DPYSL2: variants seen among roughly 807,000 people sequenced by gnomAD.
The protein encoded by DPYSL2 is dihydropyrimidinase-related protein 2.
DPYSL2 carries 13 observed loss-of-function variants against 69.9 expected under a neutral mutation model. The observed-to-expected ratio is 0.19, with a 90% CI of 0.12 to 0.30. The LOEUF is 0.30. Among genes scored for constraint, DPYSL2 ranks in the 10% least tolerant of loss-of-function variants. The probability of loss-of-function intolerance (pLI) is 1.00; values close to 1 mark genes in which losing one functional copy is unlikely to be tolerated. For missense variants in DPYSL2, 587 were observed against 918.9 expected, an observed-to-expected ratio of 0.64 and a Z score of 4.67; for synonymous variants, 326 against 359.1, an observed-to-expected ratio of 0.91 and a Z score of 1.04.
rs1239378878 is a variant in DPYSL2 at position 26,523,165 on chromosome 8, A to AT, written c.354+8487dup. Among the ~76,000 whole-genome samples the AT allele has an allele frequency of 1.1e-3, 170 of 150,756 alleles. 2 individuals are homozygous for AT. The highest frequency in any genetic ancestry group is 2.0e-3 in the Non-Finnish European group (135 of 67,696). On this transcript the variant is annotated intron_variant, in intron 1 of 13. Coordinates refer to ENST00000521913, the MANE Select transcript of DPYSL2 (RefSeq NM_001197293.3). ...TACAGACATACATGTATATATATAT[A>AT]TATATTTTTAAATAATATTTAAAAT...
intron 1 of DPYSL2, among the ~76,000 whole-genome samples, chr8:26,526,506 T>G (rs994165343): frequency 1.3e-5 from 2 of 152,252 alleles, no homozygotes; most frequent in Non-Finnish European, 2.9e-5. Context: ...ATAATAGTCT[T>G]GTGCGTTTTT....
rs976810789 is a variant in DPYSL2 at position 26,653,693 on chromosome 8, G to A, written c.1942+296G>A. Among the ~76,000 whole-genome samples the A allele has an allele frequency of 6.6e-6, 1 of 152,086 alleles. No individual in the cohort carries two copies. Among genetic ancestry groups the A allele is most frequent in the African/African-American group, 2.4e-5 (1 of 41,416 alleles). The stretch of plus-strand genomic sequence containing the variant: ...ATGTCTCAGCCTCCCAAGTAGCTGG[G>A]ATTACAGGCATGCACCACCATACCT... On this transcript the variant is annotated intron_variant, in intron 13 of 13. Transcript: ENST00000521913. This position sits in a 1 kb window ranked among gnomAD's most constrained non-coding sequence, Gnocchi z 5.7.
intron 1 of DPYSL2, among the ~76,000 whole-genome samples, chr8:26,534,751 ACCT>A (rs1446184601): frequency 6.6e-6 from 1 of 151,428 alleles, no homozygotes; most frequent in Non-Finnish European, 1.5e-5. Flanking sequence ...TCCTGCCTTA[ACCT>A]CCTAAGTAGC....
intron 8 of DPYSL2, 81 bp downstream of exon 8, chr8:26,634,981 T>C (rs1351943123): frequency 2.5e-5 from 40 of 1,574,388 alleles, no homozygotes; most frequent in Non-Finnish European, 3.5e-5. Flanking sequence ...GAGGGCTCCT[T>C]TTCCAGACCC....
At chr8:26,557,939 C>T (rs549623009) in intron 1 of DPYSL2, among the ~76,000 whole-genome samples, 2 of 151,900 alleles carry the variant, frequency 1.3e-5, no homozygotes, top group East Asian at 2.0e-4. Flanking sequence ...TACATCCTAA[C>T]ACCAAATGCT....
At chr8:26,542,562 C>T (rs562447225) in intron 1 of DPYSL2, among the ~76,000 whole-genome samples, 14 of 152,078 alleles carry the variant, frequency 9.2e-5, no homozygotes, top group African/African-American at 3.4e-4. Context: ...GTTCGGGCTA[C>T]AGGCATGTAC....
Position 26,655,784 on chromosome 8 carries a change from T to A in DPYSL2, c.*78T>A. 32 of 426,332 alleles carry A rather than the reference T, an allele frequency of 7.5e-5. No homozygotes were observed. Among genetic ancestry groups the A allele is most frequent in the Non-Finnish European group, 1.1e-4 (32 of 286,950 alleles). 26.4% of individuals were successfully genotyped at this position (426,332 alleles called of 1,614,324 possible). A position where few individuals can be genotyped will look rare whatever the true frequency, so the allele number is the denominator to read the frequency against. Reference sequence around the variant, plus strand: ...ATTCTGAGACTTCTTTCTTCCTTCCTTTTTTTTTTTTTGTTTTTTTTTTTA... The same window carrying A: ...ATTCTGAGACTTCTTTCTTCCTTCCATTTTTTTTTTTTGTTTTTTTTTTTA... On this transcript the variant is annotated 3_prime_UTR_variant, in exon 14 of 14. Transcript: ENST00000521913.
chr8:26,637,920 G>A (rs1323178254), intron 8 of DPYSL2: 1 of 152,254 alleles, frequency 6.6e-6, no homozygotes, highest in Non-Finnish European at 1.5e-5. Flanking sequence ...TGAAGGGGCT[G>A]GTCTAACCTT....
Position 26,580,644 on chromosome 8 carries a change from CT to C in DPYSL2, c.355-1319del, listed in dbSNP as rs1170741998. Among the ~76,000 whole-genome samples, 1 of 152,130 alleles carries C rather than the reference CT, an allele frequency of 6.6e-6. No homozygotes were observed. Among genetic ancestry groups the C allele is most frequent in the Non-Finnish European group, 1.5e-5 (1 of 68,018 alleles). The stretch of plus-strand genomic sequence containing the variant: ...TTCCTTGCTCTCTAGTAGCTTATCT[CT>C]TTTTTAAAGATTTTCTATGATTTCC... On this transcript the variant is annotated intron_variant, in intron 1 of 13. Transcript: ENST00000521913. The surrounding 1 kb of genome is among the most constrained non-coding windows in gnomAD (Gnocchi z 4.1).
At chr8:26,589,813 CA>C (rs1418878658) in intron 3 of DPYSL2, among the ~76,000 whole-genome samples, 2 of 152,242 alleles carry the variant, frequency 1.3e-5, no homozygotes, top group Non-Finnish European at 2.9e-5. Context: ...GCCTGCTCTC[CA>C]AGTACAGAGG....
chr8:26,594,411 G>T (rs934674816), intron 3 of DPYSL2, among the ~76,000 whole-genome samples: 6 of 151,990 alleles, frequency 3.9e-5, no homozygotes, highest in African/African-American at 1.4e-4. Flanking sequence ...TCTATAGCCA[G>T]GTGGCCTCCA....
intron 1 of DPYSL2, among the ~76,000 whole-genome samples, chr8:26,544,056 A>ATTTC (rs76061013): frequency 0.52 from 79,359 of 151,774 alleles, 21,588 homozygotes; most frequent in African/African-American, 0.67. Flanking sequence ...GATTTTCACA[A>ATTTC]ACAAAAGAAC....
At chr8:26,572,083 G>C (rs1801245656) in intron 1 of DPYSL2, among the ~76,000 whole-genome samples, 1 of 152,180 alleles carries the variant, frequency 6.6e-6, no homozygotes, top group South Asian at 2.1e-4. Context: ...CAGCACTCTG[G>C]GCATTGGGGA....
chr8:26,622,554 G>A (rs1221770535), intron 3 of DPYSL2, among the ~76,000 whole-genome samples: 1 of 151,544 alleles, frequency 6.6e-6, no homozygotes, highest in Admixed American at 6.6e-5. Context: ...CCTGGCTGGA[G>A]TGCAGCGGCA....
chr8:26,594,111 A>T (rs1298415003), intron 3 of DPYSL2, among the ~76,000 whole-genome samples: 1 of 152,152 alleles, frequency 6.6e-6, no homozygotes. Flanking sequence ...TTCCCTTTCT[A>T]GTGCTTTCTG....
chr8:26,576,189 G>C (rs1057210656), intron 1 of DPYSL2, among the ~76,000 whole-genome samples: 1 of 152,166 alleles, frequency 6.6e-6, no homozygotes, highest in East Asian at 1.9e-4. Context: ...AGAGATATAG[G>C]AGTGAAAAGG....
chr8:26,622,472 G>T (rs5022821), intron 3 of DPYSL2, among the ~76,000 whole-genome samples: 1 of 124,496 alleles, frequency 8.0e-6, no homozygotes, highest in Admixed American at 8.4e-5. Context: ...GTGTGTGTGT[G>T]TATATGTGTG....
intron 1 of DPYSL2, among the ~76,000 whole-genome samples, chr8:26,572,707 C>T (rs963590327): frequency 1.2e-4 from 18 of 152,092 alleles, no homozygotes; most frequent in African/African-American, 3.9e-4. Context: ...TCCATGTTGG[C>T]CAGGATGGTC....
chr8:26,520,072 T>C (rs1808360090), intron 1 of DPYSL2, among the ~76,000 whole-genome samples: 1 of 152,212 alleles, frequency 6.6e-6, no homozygotes, highest in Non-Finnish European at 1.5e-5. Context: ...GTTTCCCCCA[T>C]ACTGTTCTTA....
Sources: gnomAD v4.1 joint callset for allele counts (sites outside exome capture counted in the v4.1 genomes callset) on GRCh38, gnomAD v4.1.1 for gene constraint, Gnocchi (gnomAD v3.1) non-coding constraint, MANE v1.5 for transcripts, NCBI Gene and HGNC (gene_info 2026-07-23, HGNC 2026-07-21) for gene names.